Variants in SYNDIG1 observed in about 807,000 individuals in gnomAD.
SYNDIG1 encodes synapse differentiation inducing 1.
A neutral mutation model predicts 19.4 loss-of-function variants in SYNDIG1; 9 were observed. The ratio of observed to expected loss-of-function variants is 0.46; its 90% CI spans 0.28 to 0.81. The LOEUF is 0.81. Among genes scored for constraint, SYNDIG1 ranks in the 30% least tolerant of loss-of-function variants. SYNDIG1 has a pLI of 0.12. For synonymous variants in SYNDIG1, 141 were observed against 145.9 expected, an observed-to-expected ratio of 0.97 and a Z score of 0.24; for missense variants, 311 against 343.3, an observed-to-expected ratio of 0.91 and a Z score of 0.74.
intron 3 of SYNDIG1, among the ~76,000 whole-genome samples, chr20:24,590,753 G>T (rs1423917650): frequency 6.6e-6 from 1 of 152,166 alleles, no homozygotes; most frequent in East Asian, 1.9e-4. Flanking sequence ...CTGAACCATG[G>T]GGGCTCCAGG....
intron 1 of SYNDIG1, among the ~76,000 whole-genome samples, chr20:24,480,281 A>T (rs568828495): frequency 2.6e-5 from 4 of 152,216 alleles, no homozygotes; most frequent in African/African-American, 9.7e-5. Flanking sequence ...TGCTATTTCA[A>T]TCAGAATGCC....
chr20:24,664,967 C>T (rs529588511), intron 3 of SYNDIG1, among the ~76,000 whole-genome samples: 1 of 152,286 alleles, frequency 6.6e-6, no homozygotes, highest in South Asian at 2.1e-4. Flanking sequence ...AACAAGCACA[C>T]CATTCTTGGG....
chr20:24,520,734 C>T (rs993287614), intron 1 of SYNDIG1, among the ~76,000 whole-genome samples: 2 of 151,792 alleles, frequency 1.3e-5, no homozygotes, highest in African/African-American at 4.8e-5. Context: ...AGGTACTATA[C>T]TTGTGTATAC....
At chr20:24,530,184 C>T (rs1419712413) in intron 1 of SYNDIG1, among the ~76,000 whole-genome samples, 1 of 152,030 alleles carries the variant, frequency 6.6e-6, no homozygotes. Flanking sequence ...CAGCAATGGT[C>T]TGAATCTGCA....
intron 1 of SYNDIG1, among the ~76,000 whole-genome samples, chr20:24,541,787 C>A (rs991430260): frequency 6.6e-6 from 1 of 152,154 alleles, no homozygotes; most frequent in Non-Finnish European, 1.5e-5. Flanking sequence ...TAAAAAATCC[C>A]ACAAAAGTTA....
chr20:24,478,900 A>G (rs998190158), intron 1 of SYNDIG1, among the ~76,000 whole-genome samples: 2 of 152,196 alleles, frequency 1.3e-5, no homozygotes, highest in Non-Finnish European at 2.9e-5. Context: ...AGAATATCGG[A>G]TTGAACTCCG....
At chr20:24,554,914 G>A (rs2057781588) in intron 2 of SYNDIG1, among the ~76,000 whole-genome samples, 1 of 151,884 alleles carries the variant, frequency 6.6e-6, no homozygotes, top group Admixed American at 6.6e-5. Flanking sequence ...GTAGAATTCG[G>A]CTGTGAATCC....
chr20:24,613,654 A>C (rs1362975800), intron 3 of SYNDIG1, among the ~76,000 whole-genome samples: 9 of 152,092 alleles, frequency 5.9e-5, no homozygotes, highest in African/African-American at 1.9e-4. Context: ...ACCCCTGCTC[A>C]GCCCACACAG....
At position 24,653,940 on chromosome 20, in the gene SYNDIG1, C is replaced by G. The variant is rs141416127; in HGVS notation, c.619-11406C>G. ...CCTAACAATGCCATTTAAACTTACTCACCTCTTTAAAGGCCCTATCTTCAA... is the reference window on the plus strand; with the variant it reads ...CCTAACAATGCCATTTAAACTTACTGACCTCTTTAAAGGCCCTATCTTCAA... On this transcript the variant is annotated intron_variant, in intron 3 of 3. Coordinates refer to ENST00000376862, the MANE Select transcript of SYNDIG1 (RefSeq NM_024893.3). Among the ~76,000 whole-genome samples the G allele has an allele frequency of 7.2e-5, 11 of 152,302 alleles. No homozygotes were observed. In the East Asian group the frequency reaches 2.1e-3, roughly 29 times the overall value.
intron 1 of SYNDIG1, among the ~76,000 whole-genome samples, chr20:24,497,945 A>G (rs1282586907): frequency 2.0e-5 from 3 of 152,242 alleles, no homozygotes; most frequent in Non-Finnish European, 2.9e-5. Flanking sequence ...GTCCAGACCC[A>G]TGATCTTACA....
rs1437810426 is a variant in SYNDIG1, at chr20:24,488,507, G to A, written c.-79+18754G>A. 3.9e-5 allele frequency among the ~76,000 whole-genome samples: 6 copies of A among 152,212 alleles called. No individual in the cohort carries two copies. The East Asian group carries it at 7.7e-4, about 20-fold the overall frequency. The stretch of plus-strand genomic sequence containing the variant: ...ACAAGCCCCAGAGTGGGGAGCAGAG[G>A]GAACACTTCATCTGCTTCAAGCCCT... On this transcript the variant is annotated intron_variant, in intron 1 of 3. Coordinates refer to ENST00000376862, the MANE Select transcript of SYNDIG1 (RefSeq NM_024893.3).
intron 1 of SYNDIG1, among the ~76,000 whole-genome samples, chr20:24,520,980 G>A (rs377645492): frequency 1.1e-4 from 16 of 152,228 alleles, no homozygotes; most frequent in East Asian, 3.9e-4. Context: ...GTAACTCTCC[G>A]TTCCCTCCCT....
At chr20:24,494,417 G>T (rs924346551) in intron 1 of SYNDIG1, among the ~76,000 whole-genome samples, 3 of 152,196 alleles carry the variant, frequency 2.0e-5, no homozygotes, top group Admixed American at 2.0e-4. Flanking sequence ...AGAGATCATC[G>T]AAGTGGGGCG....
intron 1 of SYNDIG1, among the ~76,000 whole-genome samples, chr20:24,499,211 C>T (rs2056381365): frequency 6.6e-6 from 1 of 152,050 alleles, no homozygotes; most frequent in Admixed American, 6.5e-5. Context: ...TTTTAGTAGA[C>T]ATGGGGTTTC....
chr20:24,611,070 C>G (rs1021663617), intron 3 of SYNDIG1, among the ~76,000 whole-genome samples: 3 of 152,210 alleles, frequency 2.0e-5, no homozygotes, highest in African/African-American at 7.2e-5. Flanking sequence ...GATATTGCCT[C>G]TGAGTGTTCG....
chr20:24,521,929 C>G (rs1014436320), intron 1 of SYNDIG1, among the ~76,000 whole-genome samples: 1 of 151,816 alleles, frequency 6.6e-6, no homozygotes, highest in African/African-American at 2.4e-5. Context: ...AGTAATACCC[C>G]GAAATAGTAA....
chr20:24,660,136 C>G (rs780457530), intron 3 of SYNDIG1, among the ~76,000 whole-genome samples: 2 of 152,200 alleles, frequency 1.3e-5, no homozygotes, highest in Non-Finnish European at 2.9e-5. Context: ...CTATCGCTGG[C>G]ACTCAGAGGG....
intron 1 of SYNDIG1, among the ~76,000 whole-genome samples, chr20:24,497,530 T>C (rs2056333819): frequency 6.6e-6 from 1 of 152,224 alleles, no homozygotes; most frequent in South Asian, 2.1e-4. Flanking sequence ...TATTTTCTTT[T>C]AAATCACAAA....
rs142958501 is a variant in SYNDIG1 at position 24,543,517 on chromosome 20, C to T, written c.420C>T (p.Asp140=). The stretch of plus-strand genomic sequence containing the variant: ...AGTTCATTGACCTCTCAGCTGATGA[C>T]ATAAAAATCCACACCCTGTCCTACG... ...DGKFIDLSAD[D]IKIHTLSYDV... Residue 140 remains aspartate (D), a synonymous_variant, in exon 2 of 4, where the codon GAC becomes GAT. Transcript: ENST00000376862. The T allele has an allele frequency of 8.1e-6, 13 of 1,609,304 alleles. No individual in the cohort carries two copies. Among genetic ancestry groups the T allele is most frequent in the African/African-American group, 1.3e-5 (1 of 75,020 alleles).
Sources: allele counts gnomAD v4.1 joint callset (sites outside exome capture counted in the v4.1 genomes callset), GRCh38; gene constraint gnomAD v4.1.1; transcripts MANE v1.5; gene names NCBI Gene and HGNC (gene_info 2026-07-23, HGNC 2026-07-21).